TTC1: variants seen among roughly 807,000 people sequenced by gnomAD.
TTC1 encodes tetratricopeptide repeat protein 1.
TTC1 carries 31 observed loss-of-function variants against 37.6 expected under a neutral mutation model. The ratio of observed to expected loss-of-function variants is 0.82; its 90% CI spans 0.62 to 1.11. TTC1 has a LOEUF of 1.11. Among genes scored for constraint, TTC1 ranks in the 50% most tolerant of loss-of-function variants. The pLI is 0.00. For missense variants in TTC1, 351 were observed against 339.0 expected, an observed-to-expected ratio of 1.04 and a Z score of -0.28; for synonymous variants, 127 against 122.4, an observed-to-expected ratio of 1.04 and a Z score of -0.25.
rs1757579310 is a variant in TTC1, at chr5:160,057,726, C to T, written c.745+6543C>T. ...TTGGACTCAGTCCTCTCAAACCCTG[C>T]TGCTGCTTTATCAGCTAAGGTTATG... On this transcript the variant is annotated intron_variant, in intron 7 of 7. Transcript: ENST00000231238. This position sits in a 1 kb window ranked among gnomAD's most constrained non-coding sequence, Gnocchi z 4.4. Among the ~76,000 whole-genome samples the T allele has an allele frequency of 6.6e-6, 1 of 152,192 alleles. No homozygotes were observed. Among genetic ancestry groups the T allele is most frequent in the Admixed American group, 6.5e-5 (1 of 15,280 alleles).
At chr5:160,053,732 A>G (rs1275013310) in intron 7 of TTC1, among the ~76,000 whole-genome samples, 3 of 152,198 alleles carry the variant, frequency 2.0e-5, no homozygotes, top group Admixed American at 6.5e-5. Flanking sequence ...CAGGGATTAC[A>G]TTGAATCTGT....
chr5:160,045,454 CCACACACACACACACACACACACA>C (rs57919333), intron 5 of TTC1, among the ~76,000 whole-genome samples: 493 of 38,902 alleles, frequency 0.013, 19 homozygotes, highest in African/African-American at 0.047. Flanking sequence ...CCCCCACCCT[CCACACACACACACACACACACACA>C]CACACACACA....
At chr5:160,061,289 C>A (rs1233403122) in intron 7 of TTC1, among the ~76,000 whole-genome samples, 2 of 152,246 alleles carry the variant, frequency 1.3e-5, no homozygotes, top group Non-Finnish European at 2.9e-5. Flanking sequence ...TAGACCAAAT[C>A]TCTTCTTTCC....
intron 2 of TTC1, among the ~76,000 whole-genome samples, chr5:160,020,091 G>A (rs1335765612): frequency 1.3e-5 from 2 of 151,642 alleles, no homozygotes; most frequent in Non-Finnish European, 2.9e-5. Context: ...ACCACACCCA[G>A]CTAATTTTTG....
Position 160,036,770 on chromosome 5 carries a change from A to C in TTC1, c.471A>C (p.Leu157=), listed in dbSNP as rs767815008. The part of the protein sequence containing the change: ...PSCFQKERSI[L]FSNRAAARMK... ...GCTTCCAAAAGGAGAGGTCGATTCT[A>C]TTTTCAAATAGAGCTGCAGCAAGGA... Residue 157 remains leucine, a synonymous_variant, in exon 4 of 8, where the codon CTA becomes CTC. Transcript: ENST00000231238. 4 of 1,613,840 alleles carry C rather than the reference A, an allele frequency of 2.5e-6. 1 individual carries two copies. The South Asian group carries it at 4.4e-5, about 18-fold the overall frequency.
chr5:160,010,655 A>T lies in TTC1; in HGVS notation c.127A>T (p.Ser43Cys). The T allele has an allele frequency of 6.2e-7, 1 of 1,613,978 alleles. No individual in the cohort carries two copies. The change falls in exon 2 of 8, where the codon AGT (serine) becomes TGT (cysteine). Residue 43 changes from serine (S) to cysteine (C), a missense_variant. Coordinates refer to ENST00000231238, the MANE Select transcript of TTC1 (RefSeq NM_003314.3). Reference sequence around the variant, plus strand: ...TGATCCCAAAAATCAGCATTCCCAGAGTAAGCTGCTCAGGGATGATGAGGC... The same window carrying T: ...TGATCCCAAAAATCAGCATTCCCAGTGTAAGCTGCTCAGGGATGATGAGGC... ...VPDPKNQHSQ[S>C]KLLRDDEAHL...
intron 2 of TTC1, among the ~76,000 whole-genome samples, chr5:160,022,058 A>G (rs1215545949): frequency 2.6e-5 from 4 of 152,228 alleles, no homozygotes; most frequent in Non-Finnish European, 5.9e-5. Context: ...TAATATGGAC[A>G]TAAGCTTGCC....
rs558016487 is a variant in TTC1, at chr5:160,020,867, A to T, written c.330+10009A>T. Among the ~76,000 whole-genome samples the T allele has an allele frequency of 5.4e-4, 83 of 152,358 alleles. 1 individual carries two copies. In the South Asian group the frequency reaches 0.017, roughly 31 times the overall value. On this transcript the variant is annotated intron_variant, in intron 2 of 7. Coordinates refer to ENST00000231238, the MANE Select transcript of TTC1 (RefSeq NM_003314.3). The stretch of plus-strand genomic sequence containing the variant: ...TATTACAGTTTAATAATTATAAAGT[A>T]CACAATAAATGTAATGTGCTTGAAT...
chr5:160,064,780 C>T (rs1384547617), intron 7 of TTC1, 152 bp from the exon 8 acceptor site: 1 of 829,168 alleles, frequency 1.2e-6, no homozygotes, highest in African/African-American at 1.7e-5. Context: ...GGGAACTCTC[C>T]TGGAAGCTTT....
chr5:160,009,799 C>T lies in TTC1; in HGVS notation c.-30+606C>T, dbSNP rs577546554. 6.6e-5 allele frequency among the ~76,000 whole-genome samples: 10 copies of T among 152,194 alleles called. No individual in the cohort carries two copies. The Middle Eastern group carries it at 0.01, about 155-fold the overall frequency. On this transcript the variant is annotated intron_variant, in intron 1 of 7. Coordinates refer to ENST00000231238, the MANE Select transcript of TTC1 (RefSeq NM_003314.3). ...TTAGGGTCACCTGCGCCAGGGTTCC[C>T]CTTCCAGTGTAAGCTGAGTGGGCTC...
rs1201941289 is a variant in TTC1, at chr5:160,027,561, C to T, written c.331-7579C>T. ...ATATTAGAGTCTTATATCTGCTTAC[C>T]GTTTCTGATGTTCTTCATTTCCTCC... On this transcript the variant is annotated intron_variant, in intron 2 of 7. Coordinates refer to ENST00000231238, the MANE Select transcript of TTC1 (RefSeq NM_003314.3). 2.6e-5 allele frequency among the ~76,000 whole-genome samples: 4 copies of T among 152,210 alleles called. No homozygotes were observed. In the East Asian group the frequency reaches 7.7e-4, roughly 29 times the overall value.
intron 2 of TTC1, among the ~76,000 whole-genome samples, chr5:160,015,954 T>C (rs1465335443): frequency 3.3e-5 from 5 of 152,230 alleles, no homozygotes; most frequent in Non-Finnish European, 7.3e-5. Flanking sequence ...GAGAATTGTT[T>C]AGTGTGGAAA....
At chr5:160,038,469 C>T (rs1193450949) in intron 4 of TTC1, among the ~76,000 whole-genome samples, 1 of 152,094 alleles carries the variant, frequency 6.6e-6, no homozygotes, top group African/African-American at 2.4e-5. Flanking sequence ...CTACAGTTGC[C>T]CAAGTTATTG....
chr5:160,031,626 T>A (rs947955710), intron 2 of TTC1, among the ~76,000 whole-genome samples: 1 of 151,660 alleles, frequency 6.6e-6, no homozygotes, highest in Non-Finnish European at 1.5e-5. Context: ...AAAAAATAAA[T>A]AAATAAATAA....
chr5:160,061,459 G>GTA (rs1368622749), intron 7 of TTC1, among the ~76,000 whole-genome samples: 1 of 152,208 alleles, frequency 6.6e-6, no homozygotes, highest in Non-Finnish European at 1.5e-5. Flanking sequence ...ACCATGTCAT[G>GTA]TATCTTTGCA....
intron 2 of TTC1, chr5:160,023,672 G>T: frequency 7.3e-7 from 1 of 1,378,522 alleles, no homozygotes; most frequent in Non-Finnish European, 1.0e-6. Flanking sequence ...GGCTCAATGG[G>T]GACAAAGCCG....
intron 7 of TTC1, among the ~76,000 whole-genome samples, chr5:160,053,654 G>A (rs921313598): frequency 6.6e-6 from 1 of 152,304 alleles, no homozygotes; most frequent in Middle Eastern, 3.4e-3. Context: ...AGCTTTCAGA[G>A]TCTTTTGTGG....
intron 5 of TTC1, among the ~76,000 whole-genome samples, chr5:160,048,126 CTT>C (rs56201199): frequency 1.0e-3 from 37 of 35,558 alleles, no homozygotes; most frequent in Non-Finnish European, 1.4e-3. Context: ...CAAGACATTG[CTT>C]TTTTTTTTTT....
intron 2 of TTC1, among the ~76,000 whole-genome samples, chr5:160,026,596 C>T (rs1212934012): frequency 3.3e-5 from 5 of 152,122 alleles, no homozygotes; most frequent in Non-Finnish European, 7.4e-5. Flanking sequence ...GTCTTAAAGC[C>T]TGTTTTGTCT....
Sources: gnomAD v4.1 joint callset for allele counts (sites outside exome capture counted in the v4.1 genomes callset) on GRCh38, gnomAD v4.1.1 for gene constraint, Gnocchi (gnomAD v3.1) non-coding constraint, MANE v1.5 for transcripts, NCBI Gene and HGNC (gene_info 2026-07-23, HGNC 2026-07-21) for gene names.